OR10G7: variants seen among roughly 807,000 people sequenced by gnomAD.
OR10G7 encodes olfactory receptor 10G7.
For synonymous variants in OR10G7, 165 were observed against 167.4 expected (o/e 0.99, Z 0.11); for missense variants, 338 against 382.1 (o/e 0.88, Z 0.96).
chr11:124,036,996 T>C lies in OR10G7; in HGVS notation c.*1070A>G, dbSNP rs1864197508. On this transcript the variant is annotated 3_prime_UTR_variant, in exon 2 of 2. Coordinates refer to ENST00000641585, the MANE Select transcript of OR10G7 (RefSeq NM_001004463.2). ...TAGTTTTCTTTTACTCTTCATGCTA[T>C]GCTAGGCAGAGTTGGCATGACCAGG... The C allele has an allele frequency of 6.6e-6, 1 of 152,220 alleles. No individual in the cohort carries two copies. The highest frequency in any genetic ancestry group is 1.5e-5 in the Non-Finnish European group (1 of 68,030). The allele number at this position is 152,220 out of a possible 1,614,324, so 9.4% of individuals were successfully genotyped here.
chr11:124,039,695 C>T (rs891483848), intron 1 of OR10G7, among the ~76,000 whole-genome samples: 10 of 152,092 alleles, frequency 6.6e-5, no homozygotes, highest in African/African-American at 1.9e-4. Context: ...GGACTGGTAC[C>T]GGTCCATGGC....
At position 124,038,729 on chromosome 11, in the gene OR10G7, GA is replaced by G. The variant is rs1565596957; in HGVS notation, c.272del (p.Ile91ThrfsTer44). On this transcript the variant is annotated frameshift_variant, in exon 2 of 2. Transcript: ENST00000641585. LOFTEE classifies it low-confidence loss of function (END_TRUNC). Reference protein sequence around the residue: ...MTLVSPSGRTISFHSCVAQLY... With the variant: ...MTLVSPSGRTXSFHSCVAQLY... ...GCTGAGCCACGCAGCTGTGGAAGGA[GA>G]TAGTCCTGCCGCTTGGGGACACCAA... 6.2e-7 allele frequency: 1 copy of G among 1,614,064 alleles called. No homozygotes were observed. Among genetic ancestry groups the G allele is most frequent in the Middle Eastern group, 1.6e-4 (1 of 6,062 alleles).
Position 124,038,230 on chromosome 11 carries a change from A to G in OR10G7, c.772T>C (p.Tyr258His). 6.2e-7 allele frequency: 1 copy of G among 1,614,104 alleles called. No individual in the cohort carries two copies. Among genetic ancestry groups the G allele is most frequent in the Non-Finnish European group, 8.5e-7 (1 of 1,180,042 alleles). The stretch of plus-strand genomic sequence containing the variant: ...GCGTCCCTGGAGCCTGGCCTCAGGT[A>G]AATGAAAAGACCAGGGCCAAAGAAG... ...LCFFGPGLFI[Y>H]LRPGSRDALH... is the part of the protein sequence containing the mutation. The change falls in exon 2 of 2, where the codon TAC becomes CAC. Residue 258 changes from tyrosine to histidine, a missense_variant. By Grantham distance (83) the Tyr-to-His change is moderately conservative (BLOSUM62 2). Coordinates refer to ENST00000641585, the MANE Select transcript of OR10G7 (RefSeq NM_001004463.2).
At position 124,038,071 on chromosome 11, in the gene OR10G7, C is replaced by T. The variant is rs575557746; in HGVS notation, c.931G>A (p.Glu311Lys). 1.3e-6 allele frequency: 2 copies of T among 1,596,932 alleles called. No homozygotes were observed. Among genetic ancestry groups the T allele is most frequent in the East Asian group, 2.2e-5 (1 of 44,680 alleles). ...CCATATATGGCCTTTCTTAACTATT[C>T]ACCCTGAGCAAATACTGACCCATTT... ...LKNGSVFAQG[E>K] Residue 311 changes from glutamate to lysine, a missense_variant, in exon 2 of 2, where the codon GAA becomes AAA. Glu to Lys is a moderately conservative substitution (Grantham distance 56). Transcript: ENST00000641585.
rs1024758222 is a variant in OR10G7 at position 124,037,637 on chromosome 11, T to C, written c.*429A>G. ...ATTTTCTAAAGTAAAAATTTTATCT[T>C]ATGGATATTAAATTATGTAGTTATT... On this transcript the variant is annotated 3_prime_UTR_variant, in exon 2 of 2. Transcript: ENST00000641585. 1 of 152,146 alleles carries C rather than the reference T, an allele frequency of 6.6e-6. No homozygotes were observed. The highest frequency in any genetic ancestry group is 6.5e-5 in the Admixed American group (1 of 15,282). The allele number at this position is 152,146 out of a possible 1,614,324, so 9.4% of individuals were successfully genotyped here.
Position 124,038,779 on chromosome 11 carries a change from T to G in OR10G7, c.223A>C (p.Thr75Pro), listed in dbSNP as rs1344159704. Reference protein sequence around the residue: ...SFIDMWFSTVTVPKMLMTLVS... With the variant: ...SFIDMWFSTVPVPKMLMTLVS... ...AAGGTCATCAGCATTTTGGGCACCGTGACAGTGGAGAACCACATGTCAATG... is the reference window on the plus strand; with the variant it reads ...AAGGTCATCAGCATTTTGGGCACCGGGACAGTGGAGAACCACATGTCAATG... The change falls in exon 2 of 2, where the codon ACG (threonine) becomes CCG (proline). Residue 75 changes from threonine (T) to proline (P), a missense_variant. Transcript: ENST00000641585. 1 of 1,613,982 alleles carries G rather than the reference T, an allele frequency of 6.2e-7. No individual in the cohort carries two copies. Among genetic ancestry groups the G allele is most frequent in the Non-Finnish European group, 8.5e-7 (1 of 1,180,012 alleles).
In OR10G7 at chr11:124,038,642, A is replaced by T; in HGVS notation, c.360T>A (p.Asp120Glu). 1 of 1,613,980 alleles carries T rather than the reference A, an allele frequency of 6.2e-7. No homozygotes were observed. The highest frequency in any genetic ancestry group is 1.1e-5 in the South Asian group (1 of 91,068). Residue 120 changes from aspartate (D) to glutamate (E), a missense_variant, in exon 2 of 2, where the codon GAT (aspartate) becomes GAA (glutamate). Transcript: ENST00000641585. ...ECFLYTVMSYDRYLAISYPLR... is the reference protein window; with the variant it reads ...ECFLYTVMSYERYLAISYPLR... ...GCGGGTAACTGATGGCCAGGTAGCG[A>T]TCATAGGACATGACTGTGTAGAGGA...
intron 1 of OR10G7, among the ~76,000 whole-genome samples, chr11:124,040,230 A>C (rs1445483125): frequency 6.6e-6 from 1 of 152,144 alleles, no homozygotes; most frequent in Non-Finnish European, 1.5e-5. Flanking sequence ...GTAGTAAGAA[A>C]GACTAAACTT....
Position 124,038,670 on chromosome 11 carries a change from C to T in OR10G7, c.332G>A (p.Cys111Tyr). 1 of 1,613,970 alleles carries T rather than the reference C, an allele frequency of 6.2e-7. No individual in the cohort carries two copies. Among genetic ancestry groups the T allele is most frequent in the Non-Finnish European group, 8.5e-7 (1 of 1,180,016 alleles). Residue 111 changes from cysteine (C) to tyrosine (Y), a missense_variant, in exon 2 of 2, where the codon TGT (cysteine) becomes TAT (tyrosine). Coordinates refer to ENST00000641585, the MANE Select transcript of OR10G7 (RefSeq NM_001004463.2). ...YFFHFLGSTE[C>Y]FLYTVMSYDR... ...ATAGGACATGACTGTGTAGAGGAAA[C>T]ACTCGGTGCTCCCCAGGAAGTGGAA... is the stretch of plus-strand genomic sequence containing the variant.
Position 124,040,970 on chromosome 11 carries a change from C to A in OR10G7, c.-105G>T, listed in dbSNP as rs1279338330. On this transcript the variant is annotated 5_prime_UTR_variant, in exon 1 of 2. Transcript: ENST00000641585. ...GTTCTTGATAAGTGGTATAATTTTT[C>A]TTTTCTTGCAAAGATGAAACCACAG... 1 of 152,060 alleles carries A rather than the reference C, an allele frequency of 6.6e-6. No individual in the cohort carries two copies. Among genetic ancestry groups the A allele is most frequent in the Non-Finnish European group, 1.5e-5 (1 of 68,006 alleles). The allele number at this position is 152,060 out of a possible 1,614,324, so 9.4% of individuals were successfully genotyped here.
chr11:124,038,929 G>C lies in OR10G7; in HGVS notation c.73C>G (p.Leu25Val), dbSNP rs749701938. The C allele has an allele frequency of 6.8e-6, 11 of 1,610,964 alleles. 1 individual carries two copies. Among genetic ancestry groups the C allele is most frequent in the East Asian group, 2.2e-5 (1 of 44,876 alleles). The change falls in exon 2 of 2, where the codon CTC becomes GTC. Residue 25 changes from leucine to valine, a missense_variant. Physicochemically the swap from Leu to Val is conservative, Grantham distance 32. Coordinates refer to ENST00000641585, the MANE Select transcript of OR10G7 (RefSeq NM_001004463.2). Reference sequence around the variant, plus strand: ...TAAACCACCAGGAAGATTCCAAAGAGGGGGGCGTCCAGCCCTGGGGCATGG... The same window carrying C: ...TAAACCACCAGGAAGATTCCAAAGACGGGGGCGTCCAGCCCTGGGGCATGG... The part of the protein sequence containing the change: ...LPHAPGLDAP[L>V]FGIFLVVYVL...
chr11:124,041,133 TA>T lies in OR10G7; in HGVS notation c.-269del, dbSNP rs1864237787. The T allele has an allele frequency of 6.6e-6, 1 of 152,160 alleles. No individual in the cohort carries two copies. The highest frequency in any genetic ancestry group is 1.5e-5 in the Non-Finnish European group (1 of 68,028). The allele number at this position is 152,160 out of a possible 1,614,324, so 9.4% of individuals were successfully genotyped here. ...TGGAATTTTTTCCAAATGCATCTGC[TA>T]AAGTTGATTCTGCATTGGATGGCCA... On this transcript the variant is annotated 5_prime_UTR_variant, in exon 1 of 2. It introduces an in-frame stop codon into an upstream open reading frame of the 5' UTR. Transcript: ENST00000641585.
In OR10G7 at chr11:124,038,590, G is replaced by T. The variant is rs746856435; in HGVS notation, c.412C>A (p.Arg138Ser). 3 of 1,613,878 alleles carry T rather than the reference G, an allele frequency of 1.9e-6. 1 individual carries two copies. In the African/African-American group the frequency reaches 4.0e-5, roughly 22 times the overall value. ...CCGGTGGCCAGGAGGGCACACGAGC[G>T]CCCAGTCATCATGTTGGTGTACCTG... ...PLRYTNMMTGRSCALLATGTW... is the reference protein window; with the variant it reads ...PLRYTNMMTGSSCALLATGTW... Residue 138 changes from arginine to serine, a missense_variant, in exon 2 of 2, where the codon CGC becomes AGC. Transcript: ENST00000641585.
chr11:124,041,191 A>C lies in OR10G7; in HGVS notation c.-326T>G, dbSNP rs1864238143. On this transcript the variant is annotated 5_prime_UTR_variant, in exon 1 of 2. Coordinates refer to ENST00000641585, the MANE Select transcript of OR10G7 (RefSeq NM_001004463.2). ...CATAAACCTTTTTATTTAGCCAAAA[A>C]TCAACTTCCAAAATGAATAACTATG... The C allele has an allele frequency of 6.6e-6, 1 of 152,150 alleles. No homozygotes were observed. Among genetic ancestry groups the C allele is most frequent in the Non-Finnish European group, 1.5e-5 (1 of 68,028 alleles). 9.4% of individuals were successfully genotyped at this position (152,150 alleles called of 1,614,324 possible).
intron 1 of OR10G7, among the ~76,000 whole-genome samples, chr11:124,040,575 G>T (rs1217821944): frequency 2.6e-5 from 4 of 151,808 alleles, no homozygotes; most frequent in African/African-American, 7.3e-5. Context: ...TTGTGGGGGG[G>T]GCTCTGACAG....
Position 124,038,940 on chromosome 11 carries a change from A to G in OR10G7, c.62T>C (p.Leu21Pro). 1 of 1,611,630 alleles carries G rather than the reference A, an allele frequency of 6.2e-7. No homozygotes were observed. The highest frequency in any genetic ancestry group is 8.5e-7 in the Non-Finnish European group (1 of 1,178,608). The change falls in exon 2 of 2, where the codon CTG (leucine) becomes CCG (proline). Residue 21 changes from leucine to proline, a missense_variant. By Grantham distance (98) the Leu-to-Pro change is moderately conservative. Transcript: ENST00000641585. ...ILTGLPHAPGLDAPLFGIFLV... is the reference protein window; with the variant it reads ...ILTGLPHAPGPDAPLFGIFLV... ...GAAGATTCCAAAGAGGGGGGCGTCCAGCCCTGGGGCATGGGGAAGGCCCGT... is the reference window on the plus strand; with the variant it reads ...GAAGATTCCAAAGAGGGGGGCGTCCGGCCCTGGGGCATGGGGAAGGCCCGT...
At chr11:124,039,257 A>T (rs924441521) in intron 1 of OR10G7, among the ~76,000 whole-genome samples, 1 of 152,114 alleles carries the variant, frequency 6.6e-6, no homozygotes, top group Non-Finnish European at 1.5e-5. Context: ...AAATTTTGAA[A>T]AGAAGAACAA....
At chr11:124,039,376 C>G (rs1482957322) in intron 1 of OR10G7, among the ~76,000 whole-genome samples, 2 of 152,068 alleles carry the variant, frequency 1.3e-5, no homozygotes, top group African/African-American at 4.8e-5. Context: ...GCATCTCTCT[C>G]TGTTTTTCTC....
In OR10G7 at chr11:124,038,267, G is replaced by A. The variant is rs151111393; in HGVS notation, c.735C>T (p.Ile245=). The A allele has an allele frequency of 2.4e-5, 38 of 1,613,976 alleles. No individual in the cohort carries two copies. Among genetic ancestry groups the A allele is most frequent in the Middle Eastern group, 1.6e-4 (1 of 6,084 alleles). The change falls in exon 2 of 2, where the codon ATC becomes ATT. Residue 245 remains isoleucine, a synonymous_variant. Transcript: ENST00000641585. The part of the protein sequence containing the change: ...RAFQTCASHC[I]VVLCFFGPGL... ...CAGGGCCAAAGAAGCAAAGGACCAC[G>A]ATACAGTGGGAGGCACAGGTCTGAA...
Sources: gnomAD v4.1 joint callset for allele counts (sites outside exome capture counted in the v4.1 genomes callset) on GRCh38, gnomAD v4.1.1 for gene constraint, MANE v1.5 for transcripts, NCBI Gene and HGNC (gene_info 2026-07-23, HGNC 2026-07-21) for gene names.